The following ANAPC10 variants were observed in gnomAD, a reference collection of about 807,000 sequenced individuals.
The protein encoded by ANAPC10 is anaphase-promoting complex subunit 10.
ANAPC10 carries 12 observed loss-of-function variants against 22.0 expected under a neutral mutation model. The observed-to-expected ratio is 0.55, with a 90% CI of 0.35 to 0.88. The LOEUF is 0.88. Ranked by LOEUF, ANAPC10 falls within the 40% of genes least tolerant of loss-of-function variation. The pLI is 0.01. For synonymous variants in ANAPC10, 65 were observed against 69.5 expected (o/e 0.94, Z 0.32); for missense variants, 188 against 220.9 (o/e 0.85, Z 0.94).
intron 3 of ANAPC10, among the ~76,000 whole-genome samples, chr4:145,067,206 T>G (rs771659414): frequency 2.0e-5 from 3 of 152,182 alleles, no homozygotes; most frequent in Non-Finnish European, 4.4e-5. Flanking sequence ...ATGTTTCAAA[T>G]AGCAATGCAT....
At chr4:145,070,969 G>A (rs905834987) in intron 3 of ANAPC10, among the ~76,000 whole-genome samples, 5 of 152,158 alleles carry the variant, frequency 3.3e-5, no homozygotes, top group African/African-American at 1.2e-4. Context: ...AAATAAAACA[G>A]CGATTATCAT....
chr4:145,044,139 C>G (rs1021372788), intron 4 of ANAPC10, among the ~76,000 whole-genome samples: 1 of 152,072 alleles, frequency 6.6e-6, no homozygotes, highest in Non-Finnish European at 1.5e-5. Flanking sequence ...GGAGATAATG[C>G]TGCCCTTGAC....
intron 4 of ANAPC10, among the ~76,000 whole-genome samples, chr4:145,000,452 C>T (rs1330419512): frequency 1.3e-5 from 2 of 152,216 alleles, no homozygotes; most frequent in Non-Finnish European, 2.9e-5. Context: ...AAAACATGCT[C>T]ATCATCACTG....
At chr4:145,040,746 C>T (rs1270635695) in intron 4 of ANAPC10, among the ~76,000 whole-genome samples, 1 of 151,854 alleles carries the variant, frequency 6.6e-6, no homozygotes, top group Non-Finnish European at 1.5e-5. Flanking sequence ...GTATGTATGC[C>T]TAGAATAAAA....
chr4:145,054,632 T>TGCGC (rs1741700040), intron 4 of ANAPC10, among the ~76,000 whole-genome samples: 1 of 110,032 alleles, frequency 9.1e-6, no homozygotes, highest in Non-Finnish European at 1.8e-5. Context: ...TGTGTGTGTG[T>TGCGC]GTGTGTGTGC....
intron 4 of ANAPC10, among the ~76,000 whole-genome samples, chr4:145,050,745 GTTTCAAGC>G (rs1413687864): frequency 6.6e-6 from 1 of 152,188 alleles, no homozygotes; most frequent in Non-Finnish European, 1.5e-5. Context: ...ACCTCGGCTA[GTTTCAAGC>G]TTTTCTTCTG....
At chr4:145,026,943 A>G (rs188017256) in intron 4 of ANAPC10, among the ~76,000 whole-genome samples, 4,320 of 25,538 alleles carry the variant, frequency 0.17, 395 homozygotes, top group African/African-American at 0.27. Context: ...ATATATATAT[A>G]TATGTGTGTG....
At chr4:145,016,745 A>T (rs1383851383) in intron 4 of ANAPC10, among the ~76,000 whole-genome samples, 2 of 152,194 alleles carry the variant, frequency 1.3e-5, no homozygotes, top group African/African-American at 4.8e-5. Context: ...AGTAACCAAA[A>T]CAGCATGGTA....
intron 4 of ANAPC10, among the ~76,000 whole-genome samples, chr4:145,037,282 CT>C (rs1223147518): frequency 9.2e-5 from 14 of 152,028 alleles, no homozygotes; most frequent in Non-Finnish European, 2.1e-4. Context: ...ATGAGAAAAT[CT>C]TATGCAAACA....
chr4:145,040,349 T>C (rs753926918), intron 4 of ANAPC10, among the ~76,000 whole-genome samples: 3 of 152,184 alleles, frequency 2.0e-5, no homozygotes, highest in Non-Finnish European at 2.9e-5. Context: ...GGTTTCTCCA[T>C]GTTGGTCAGG....
At chr4:145,006,528 C>A (rs1253298840) in intron 4 of ANAPC10, among the ~76,000 whole-genome samples, 1 of 152,122 alleles carries the variant, frequency 6.6e-6, no homozygotes, top group Non-Finnish European at 1.5e-5. Flanking sequence ...AATTTCACTT[C>A]TGATCAGGAA....
intron 4 of ANAPC10, among the ~76,000 whole-genome samples, chr4:145,012,227 T>C (rs961846221): frequency 1.3e-5 from 2 of 149,418 alleles, no homozygotes; most frequent in African/African-American, 4.9e-5. Flanking sequence ...TATATATAAA[T>C]TTTCTAGTAG....
intron 4 of ANAPC10, among the ~76,000 whole-genome samples, chr4:145,034,575 G>GTGTATA (rs750027962): frequency 8.0e-6 from 1 of 125,656 alleles, no homozygotes; most frequent in African/African-American, 3.4e-5. Flanking sequence ...GTGTGTGTGT[G>GTGTATA]TATATATCCC....
At chr4:145,084,292 G>T (rs187757129) in intron 2 of ANAPC10, among the ~76,000 whole-genome samples, 1 of 152,152 alleles carries the variant, frequency 6.6e-6, no homozygotes, top group Non-Finnish European at 1.5e-5. Flanking sequence ...CAAATTACTA[G>T]TTAGCTAGAT....
At chr4:145,077,604 C>T (rs554352431) in intron 3 of ANAPC10, among the ~76,000 whole-genome samples, 3 of 152,116 alleles carry the variant, frequency 2.0e-5, no homozygotes, top group African/African-American at 4.8e-5. Flanking sequence ...TGATGAACAT[C>T]GACACAAAAA....
At chr4:145,041,324 A>C (rs1441943204) in intron 4 of ANAPC10, among the ~76,000 whole-genome samples, 1 of 152,242 alleles carries the variant, frequency 6.6e-6, no homozygotes, top group Non-Finnish European at 1.5e-5. Flanking sequence ...TACAGCTTAG[A>C]TAGCATGAAG....
intron 2 of ANAPC10, among the ~76,000 whole-genome samples, chr4:145,087,003 G>A (rs140662090): frequency 6.6e-6 from 1 of 151,830 alleles, no homozygotes; most frequent in Admixed American, 6.6e-5. Flanking sequence ...ACTTACTTCA[G>A]TCAATACACT....
rs575329380 is a variant in ANAPC10 at position 145,013,275 on chromosome 4, C to T, written c.328-17672G>A. ...TTTACAAACTAATCTTTCTCATGAG[C>T]ACAAATGAAAAAAACCTAGAACAAA... On this transcript the variant is annotated intron_variant, in intron 4 of 4. Coordinates refer to ENST00000507656, the MANE Select transcript of ANAPC10 (RefSeq NM_001256706.2). Among the ~76,000 whole-genome samples, 230 of 151,858 alleles carry T rather than the reference C, an allele frequency of 1.5e-3. 1 individual carries two copies. Among genetic ancestry groups the T allele is most frequent in the Non-Finnish European group, 2.8e-3 (189 of 67,948 alleles).
intron 2 of ANAPC10, among the ~76,000 whole-genome samples, chr4:145,092,117 A>T (rs958769745): frequency 6.6e-6 from 1 of 152,154 alleles, no homozygotes; most frequent in Non-Finnish European, 1.5e-5. Context: ...CTAAACAATG[A>T]CAACAAATGG....
Sources: gnomAD v4.1 joint callset for allele counts (sites outside exome capture counted in the v4.1 genomes callset) on GRCh38, gnomAD v4.1.1 for gene constraint, MANE v1.5 for transcripts, NCBI Gene and HGNC (gene_info 2026-07-23, HGNC 2026-07-21) for gene names.